The following DISC1 variants were observed in gnomAD, a reference collection of about 807,000 sequenced individuals.
DISC1 encodes disrupted in schizophrenia 1 protein.
DISC1 carries 57 observed loss-of-function variants against 84.5 expected under a neutral mutation model. That is an observed-to-expected ratio of 0.67 (90% confidence interval 0.55 to 0.84). DISC1 has a LOEUF of 0.84. Ranked by LOEUF, DISC1 falls within the 40% of genes least tolerant of loss-of-function variation. The probability of loss-of-function intolerance (pLI) is 0.00; values close to 1 mark genes in which losing one functional copy is unlikely to be tolerated. For synonymous variants in DISC1, 411 were observed against 415.2 expected (o/e 0.99, Z 0.12); for missense variants, 1,000 against 1,057.8 (o/e 0.95, Z 0.76).
chr1:231,990,747 T>C (rs997566814), intron 10 of DISC1, among the ~76,000 whole-genome samples: 1 of 152,238 alleles, frequency 6.6e-6, no homozygotes, highest in Admixed American at 6.5e-5. Context: ...CACACCCTGA[T>C]GAGGCTGCAG....
At chr1:231,931,751 T>G (rs995647874) in intron 9 of DISC1, among the ~76,000 whole-genome samples, 1 of 151,678 alleles carries the variant, frequency 6.6e-6, no homozygotes, top group Admixed American at 6.6e-5. Flanking sequence ...TTGACTCAAG[T>G]GGTCCTCCTG....
intron 3 of DISC1, among the ~76,000 whole-genome samples, chr1:231,744,949 C>T (rs16854893): frequency 0.03 from 4,490 of 152,076 alleles, 163 homozygotes; most frequent in African/African-American, 0.083. Context: ...CAGAGATCCT[C>T]GTTAATAATG....
At chr1:231,889,804 G>A (rs1042268415) in intron 9 of DISC1, among the ~76,000 whole-genome samples, 7 of 151,702 alleles carry the variant, frequency 4.6e-5, no homozygotes, top group African/African-American at 7.3e-5. Context: ...TGTAAAACAT[G>A]TAGGGGCTGT....
chr1:231,799,893 CT>C (rs1186491364), intron 7 of DISC1, among the ~76,000 whole-genome samples: 2 of 22,346 alleles, frequency 9.0e-5, no homozygotes, highest in African/African-American at 4.4e-4. Flanking sequence ...CCCTCCTTCC[CT>C]TCCTCCCTTC....
At chr1:232,017,231 T>C (rs1487612039) in intron 11 of DISC1, among the ~76,000 whole-genome samples, 1 of 152,236 alleles carries the variant, frequency 6.6e-6, no homozygotes, top group Non-Finnish European at 1.5e-5. Flanking sequence ...AATAGTTTGA[T>C]GCATCAGCTA....
intron 6 of DISC1, among the ~76,000 whole-genome samples, chr1:231,786,580 A>T (rs2077879623): frequency 6.6e-6 from 1 of 152,206 alleles, no homozygotes; most frequent in Non-Finnish European, 1.5e-5. Context: ...AAACTACCAA[A>T]GATTGTATGG....
At chr1:231,916,462 G>A (rs534971089) in intron 9 of DISC1, among the ~76,000 whole-genome samples, 223 of 151,782 alleles carry the variant, frequency 1.5e-3, no homozygotes, top group African/African-American at 4.7e-3. Context: ...AGACCATCCC[G>A]GCTAAAGCGG....
intron 9 of DISC1, among the ~76,000 whole-genome samples, chr1:231,880,453 C>A (rs2086207512): frequency 1.3e-5 from 2 of 152,140 alleles, no homozygotes; most frequent in African/African-American, 4.8e-5. Flanking sequence ...AGTTTGAGAG[C>A]AGTTATTCAA....
At chr1:231,879,709 A>G (rs1214087890) in intron 9 of DISC1, among the ~76,000 whole-genome samples, 1 of 152,006 alleles carries the variant, frequency 6.6e-6, no homozygotes, top group African/African-American at 2.4e-5. Flanking sequence ...GAGAGGTGAC[A>G]AGAATGACCC....
intron 3 of DISC1, among the ~76,000 whole-genome samples, chr1:231,728,546 C>T (rs995275899): frequency 6.6e-6 from 1 of 152,202 alleles, no homozygotes; most frequent in African/African-American, 2.4e-5. Flanking sequence ...TCTTGGAGCT[C>T]TATCCTTGGA....
intron 3 of DISC1, among the ~76,000 whole-genome samples, chr1:231,744,724 A>G (rs1035330620): frequency 6.6e-6 from 1 of 152,180 alleles, no homozygotes; most frequent in African/African-American, 2.4e-5. Context: ...CTACACAAAG[A>G]TCAGTCTTAC....
intron 9 of DISC1, among the ~76,000 whole-genome samples, chr1:231,833,534 A>C (rs930160366): frequency 1.3e-5 from 2 of 151,758 alleles, no homozygotes; most frequent in Non-Finnish European, 2.9e-5. Flanking sequence ...CCAGAGTTCC[A>C]GGGGCTCTGG....
intron 11 of DISC1, among the ~76,000 whole-genome samples, chr1:232,025,408 G>A (rs1052957732): frequency 6.6e-6 from 1 of 152,108 alleles, no homozygotes; most frequent in African/African-American, 2.4e-5. Context: ...TTTCGTGCAG[G>A]AAAGTGACAT....
chr1:231,685,746 C>T (rs12042504), intron 1 of DISC1, among the ~76,000 whole-genome samples: 19,303 of 152,108 alleles, frequency 0.13, 1,359 homozygotes, highest in Middle Eastern at 0.17. Flanking sequence ...CCACCACACC[C>T]GGACTGGCAA....
chr1:231,757,597 G>T (rs1331451182), intron 4 of DISC1, among the ~76,000 whole-genome samples: 1 of 152,152 alleles, frequency 6.6e-6, no homozygotes, highest in African/African-American at 2.4e-5. Flanking sequence ...GCAGATATCG[G>T]TACTCAAATC....
chr1:231,683,433 T>C (rs1321707364), intron 1 of DISC1, among the ~76,000 whole-genome samples: 1 of 151,318 alleles, frequency 6.6e-6, no homozygotes, highest in Admixed American at 6.6e-5. Flanking sequence ...TGATTTTTTT[T>C]TTTTTTTTTT....
At chr1:231,896,730 T>C (rs546145770) in intron 9 of DISC1, among the ~76,000 whole-genome samples, 1 of 152,322 alleles carries the variant, frequency 6.6e-6, no homozygotes, top group South Asian at 2.1e-4. Flanking sequence ...AGTTTCCTCA[T>C]AGAATGTGGC....
Position 232,009,170 on chromosome 1 carries a change from A to G in DISC1, c.2307+121A>G, listed in dbSNP as rs1228885544. 5 of 1,480,586 alleles carry G rather than the reference A, an allele frequency of 3.4e-6. No homozygotes were observed. Among genetic ancestry groups the G allele is most frequent in the Non-Finnish European group, 4.5e-6 (5 of 1,111,666 alleles). The allele number at this position is 1,480,586 out of a possible 1,614,324, so 91.7% of individuals were successfully genotyped here. A position where few individuals can be genotyped will look rare whatever the true frequency, so the allele number is the denominator to read the frequency against. On this transcript the variant is annotated intron_variant, in intron 11 of 12. Transcript: ENST00000439617. This position sits in a 1 kb window ranked among gnomAD's most constrained non-coding sequence, Gnocchi z 4.6. ...TTCCCATTGAGCATATAAACTTTTAAAAGTTTCAATAACTCTTGAATATGA... is the reference window on the plus strand; with the variant it reads ...TTCCCATTGAGCATATAAACTTTTAGAAGTTTCAATAACTCTTGAATATGA...
intron 9 of DISC1, among the ~76,000 whole-genome samples, chr1:231,928,709 CT>C (rs754883709): frequency 5.9e-5 from 9 of 152,146 alleles, no homozygotes; most frequent in Non-Finnish European, 1.3e-4. Context: ...TATAAATTTC[CT>C]TCTAAACACT....
Sources: allele counts gnomAD v4.1 joint callset (sites outside exome capture counted in the v4.1 genomes callset), GRCh38; gene constraint gnomAD v4.1.1; non-coding constraint Gnocchi (gnomAD v3.1); transcripts MANE v1.5; gene names NCBI Gene and HGNC (gene_info 2026-07-23, HGNC 2026-07-21).